The following CACHD1 variants were observed in gnomAD, a reference collection of about 807,000 sequenced individuals.
CACHD1 encodes VWFA and cache domain-containing protein 1.
In CACHD1, 71 loss-of-function variants were observed where a neutral mutation model predicts 138.7. That is an observed-to-expected ratio of 0.51 (90% CI 0.42 to 0.62). CACHD1 has a LOEUF of 0.62. CACHD1 is among the 20% of genes least tolerant of loss of function. The pLI, the probability that CACHD1 is intolerant of heterozygous loss-of-function variation, is 0.00. For missense variants in CACHD1, 1,389 were observed against 1,625.3 expected, an observed-to-expected ratio of 0.85 and a Z score of 2.50; for synonymous variants, 578 against 591.5, an observed-to-expected ratio of 0.98 and a Z score of 0.33.
At chr1:64,680,532 A>G (rs1328390588) in intron 24 of CACHD1, among the ~76,000 whole-genome samples, 4 of 152,070 alleles carry the variant, frequency 2.6e-5, no homozygotes, top group Non-Finnish European at 5.9e-5. Context: ...TGATTCACCT[A>G]TAATCATGGC....
intron 3 of CACHD1, among the ~76,000 whole-genome samples, chr1:64,597,518 T>TTTG (rs1647163876): frequency 3.8e-5 from 5 of 131,386 alleles, no homozygotes; most frequent in African/African-American, 1.4e-4. Flanking sequence ...AAGTTTTTTT[T>TTTG]TTGTTGTTTT....
intron 9 of CACHD1, among the ~76,000 whole-genome samples, chr1:64,650,741 G>A (rs1649061330): frequency 6.6e-6 from 1 of 152,116 alleles, no homozygotes; most frequent in African/African-American, 2.4e-5. Flanking sequence ...CTTTCCTGGG[G>A]GTTTCTAGAA....
At chr1:64,514,495 G>T (rs1646444778) in intron 1 of CACHD1, among the ~76,000 whole-genome samples, 1 of 152,130 alleles carries the variant, frequency 6.6e-6, no homozygotes, top group Non-Finnish European at 1.5e-5. Context: ...TGTAACAAAG[G>T]AATTCCTAGG....
chr1:64,512,680 TGAA>T (rs1646430863), intron 1 of CACHD1, among the ~76,000 whole-genome samples: 1 of 152,228 alleles, frequency 6.6e-6, no homozygotes, highest in Non-Finnish European at 1.5e-5. Context: ...AATTTTCATT[TGAA>T]ACTGTTATTT....
At position 64,654,716 on chromosome 1, in the gene CACHD1, C is replaced by G. The variant is rs1436534224; in HGVS notation, c.1695C>G (p.Val565=). ...SLPLGSQIIA[V]PVNSSLSWHI... is the part of the protein sequence containing the mutation. Reference sequence around the variant, plus strand: ...CTCTGGGCAGCCAGATTATCGCAGTCCCTGTGAACTCATCCCTGTCTTGGC... The same window carrying G: ...CTCTGGGCAGCCAGATTATCGCAGTGCCTGTGAACTCATCCCTGTCTTGGC... The change falls in exon 12 of 27, where the codon GTC becomes GTG. Residue 565 remains valine (V), a synonymous_variant. Coordinates refer to ENST00000651257, the MANE Select transcript of CACHD1 (RefSeq NM_020925.4). 6.2e-7 allele frequency: 1 copy of G among 1,613,904 alleles called. No homozygotes were observed. The highest frequency in any genetic ancestry group is 1.7e-5 in the Admixed American group (1 of 60,026).
intron 1 of CACHD1, among the ~76,000 whole-genome samples, chr1:64,491,561 A>C (rs1227608170): frequency 6.6e-6 from 1 of 152,084 alleles, no homozygotes; most frequent in Non-Finnish European, 1.5e-5. Context: ...GCAGGGGGGA[A>C]ATCCACCCCC....
In CACHD1 at chr1:64,693,025, A is replaced by G. The variant is rs1222666561; in HGVS notation, c.*1464A>G. Reference sequence around the variant, plus strand: ...CCTTCATACTGTGTATAAAATTGCAATCTAGTGAAATAAACCGTATGCAAT... The same window carrying G: ...CCTTCATACTGTGTATAAAATTGCAGTCTAGTGAAATAAACCGTATGCAAT... On this transcript the variant is annotated 3_prime_UTR_variant, in exon 27 of 27. Transcript: ENST00000651257. 1 of 152,650 alleles carries G rather than the reference A, an allele frequency of 6.6e-6. No homozygotes were observed. The highest frequency in any genetic ancestry group is 2.4e-5 in the African/African-American group (1 of 41,458). 9.5% of individuals were successfully genotyped at this position (152,650 alleles called of 1,614,324 possible).
At chr1:64,616,665 G>A (rs1052477517) in intron 4 of CACHD1, among the ~76,000 whole-genome samples, 10 of 152,276 alleles carry the variant, frequency 6.6e-5, no homozygotes, top group Admixed American at 2.0e-4. Flanking sequence ...TTGTCTGGTT[G>A]TGTTTTATGT....
At chr1:64,672,209 T>G (rs1649839830) in intron 17 of CACHD1, among the ~76,000 whole-genome samples, 1 of 152,188 alleles carries the variant, frequency 6.6e-6, no homozygotes, top group African/African-American at 2.4e-5. Flanking sequence ...AAAAATAGCT[T>G]TCTTAGTTCC....
chr1:64,667,547 C>A (rs1649675887), intron 16 of CACHD1, among the ~76,000 whole-genome samples: 1 of 152,234 alleles, frequency 6.6e-6, no homozygotes, highest in African/African-American at 2.4e-5. Context: ...TAGAACACAT[C>A]CCTCAGTGTT....
At chr1:64,529,557 G>T (rs1006624119) in intron 1 of CACHD1, among the ~76,000 whole-genome samples, 3 of 152,126 alleles carry the variant, frequency 2.0e-5, no homozygotes, top group Admixed American at 6.5e-5. Context: ...AACAATAAAA[G>T]TTATTACTTA....
chr1:64,618,367 G>C (rs1647787931), intron 4 of CACHD1, among the ~76,000 whole-genome samples: 1 of 151,896 alleles, frequency 6.6e-6, no homozygotes, highest in South Asian at 2.1e-4. Flanking sequence ...TTCCACAATA[G>C]TGTGGTCCCA....
Position 64,681,311 on chromosome 1 carries a change from G to A in CACHD1, c.3460G>A (p.Asp1154Asn), listed in dbSNP as rs200844405. 1.3e-5 allele frequency: 21 copies of A among 1,613,776 alleles called. 1 individual carries two copies. Among genetic ancestry groups the A allele is most frequent in the South Asian group, 1.2e-4 (11 of 91,062 alleles). Residue 1154 changes from aspartate to asparagine, a missense_variant, in exon 25 of 27, where the codon GAC (aspartate) becomes AAC (asparagine). Asp to Asn is a conservative substitution (Grantham distance 23). Transcript: ENST00000651257. The stretch of plus-strand genomic sequence containing the variant: ...GAATGACAGAGATGAAAGGGACGAC[G>A]ACAGCCACGAAGACAGAGGCATCAG... The part of the protein sequence containing the change: ...LENDRDERDD[D>N]SHEDRGIISN...
intron 1 of CACHD1, among the ~76,000 whole-genome samples, chr1:64,540,216 T>C (rs1422438579): frequency 1.3e-5 from 2 of 152,188 alleles, no homozygotes; most frequent in Non-Finnish European, 2.9e-5. Context: ...TGAAGGCTTA[T>C]ATAAAGCACC....
intron 19 of CACHD1, among the ~76,000 whole-genome samples, chr1:64,675,064 T>C (rs1490481279): frequency 6.6e-6 from 1 of 152,324 alleles, no homozygotes; most frequent in East Asian, 1.9e-4. Flanking sequence ...AATTGTCTTT[T>C]ATTGCTTCTT....
At chr1:64,554,699 G>T (rs1646783639) in intron 2 of CACHD1, among the ~76,000 whole-genome samples, 1 of 152,056 alleles carries the variant, frequency 6.6e-6, no homozygotes, top group Non-Finnish European at 1.5e-5. Context: ...CAGTTTTTTA[G>T]TTGTTTATTT....
At chr1:64,684,798 T>C (rs1298076091) in intron 26 of CACHD1, among the ~76,000 whole-genome samples, 1 of 151,530 alleles carries the variant, frequency 6.6e-6, no homozygotes, top group Admixed American at 6.6e-5. Context: ...GTGTACCTTT[T>C]TTGTTTTTTG....
At chr1:64,481,142 C>T (rs1046920844) in intron 1 of CACHD1, among the ~76,000 whole-genome samples, 4 of 152,090 alleles carry the variant, frequency 2.6e-5, no homozygotes, top group Admixed American at 2.6e-4. Flanking sequence ...GTCCATATTT[C>T]TCTGGATATA....
At chr1:64,515,067 GAT>G (rs1346408667) in intron 1 of CACHD1, among the ~76,000 whole-genome samples, 1 of 152,090 alleles carries the variant, frequency 6.6e-6, no homozygotes, top group Non-Finnish European at 1.5e-5. Flanking sequence ...TACAGTATTG[GAT>G]TATTTAGGAG....
Sources: allele counts gnomAD v4.1 joint callset (sites outside exome capture counted in the v4.1 genomes callset), GRCh38; gene constraint gnomAD v4.1.1; transcripts MANE v1.5; gene names NCBI Gene and HGNC (gene_info 2026-07-23, HGNC 2026-07-21).